The following GUCY1A2 variants were observed in gnomAD, a reference collection of about 807,000 sequenced individuals.
The protein encoded by GUCY1A2 is guanylate cyclase soluble subunit alpha-2.
GUCY1A2 carries 27 observed loss-of-function variants against 63.5 expected under a neutral mutation model. The observed-to-expected ratio is 0.43, with a 90% CI of 0.31 to 0.59. GUCY1A2 has a LOEUF of 0.59. GUCY1A2 is among the 20% of genes least tolerant of loss of function. GUCY1A2 has a pLI of 0.11. For missense variants in GUCY1A2, 768 were observed against 913.3 expected, an observed-to-expected ratio of 0.84 and a Z score of 2.05; for synonymous variants, 364 against 343.5, an observed-to-expected ratio of 1.06 and a Z score of -0.66.
At chr11:106,940,254 C>T (rs1860735589) in intron 3 of GUCY1A2, 76 bp from the exon 4 acceptor site, 3 of 712,292 alleles carry the variant, frequency 4.2e-6, no homozygotes, top group Admixed American at 2.4e-5. Context: ...AAGTGCTTAT[C>T]AAAAGAGTAA....
intron 4 of GUCY1A2, among the ~76,000 whole-genome samples, chr11:106,829,665 G>A (rs1033617375): frequency 6.6e-6 from 1 of 152,176 alleles, no homozygotes; most frequent in African/African-American, 2.4e-5. Flanking sequence ...TAGAAGGTAA[G>A]TTAGGGAGGC....
At chr11:106,860,223 G>C (rs983985092) in intron 4 of GUCY1A2, among the ~76,000 whole-genome samples, 14 of 151,074 alleles carry the variant, frequency 9.3e-5, no homozygotes, top group Non-Finnish European at 1.9e-4. Context: ...CTGTTTTCCA[G>C]AGTACCCAGA....
At chr11:106,827,929 G>C (rs1858995900) in intron 4 of GUCY1A2, 2 of 1,236,928 alleles carry the variant, frequency 1.6e-6, no homozygotes, top group Non-Finnish European at 1.2e-6. Flanking sequence ...TATCGCGGCG[G>C]AACAGCGAGA....
At chr11:106,827,977 C>A in intron 4 of GUCY1A2, 1 of 804,580 alleles carries the variant, frequency 1.2e-6, no homozygotes. Context: ...GCGAGGCGGT[C>A]ACTTCCGGTG....
chr11:106,769,842 C>T (rs1864225273), intron 6 of GUCY1A2, among the ~76,000 whole-genome samples: 1 of 151,722 alleles, frequency 6.6e-6, no homozygotes. Flanking sequence ...TTTTCTGACC[C>T]CTTAGGTTTT....
chr11:107,000,497 A>AT (rs939478606), intron 1 of GUCY1A2, among the ~76,000 whole-genome samples: 4 of 152,192 alleles, frequency 2.6e-5, no homozygotes, highest in African/African-American at 9.7e-5. Context: ...AGTAAAAGAC[A>AT]TTTTCATTAG....
intron 6 of GUCY1A2, among the ~76,000 whole-genome samples, chr11:106,758,158 A>C (rs1404816556): frequency 6.6e-6 from 1 of 152,014 alleles, no homozygotes; most frequent in Non-Finnish European, 1.5e-5. Flanking sequence ...AATACCACCT[A>C]CTCAAGCCTC....
At chr11:107,009,237 C>G (rs995074128) in intron 1 of GUCY1A2, among the ~76,000 whole-genome samples, 3 of 152,076 alleles carry the variant, frequency 2.0e-5, no homozygotes, top group African/African-American at 7.2e-5. Flanking sequence ...CCCTATATAT[C>G]TGATATCTGA....
intron 3 of GUCY1A2, among the ~76,000 whole-genome samples, chr11:106,952,254 A>T (rs1231872207): frequency 6.6e-6 from 1 of 151,916 alleles, no homozygotes; most frequent in Non-Finnish European, 1.5e-5. Flanking sequence ...ATTTAAAATA[A>T]TTTTTTCTAA....
At chr11:106,704,853 ATATT>A (rs909291160) in intron 7 of GUCY1A2, among the ~76,000 whole-genome samples, 7 of 150,714 alleles carry the variant, frequency 4.6e-5, no homozygotes, top group African/African-American at 1.7e-4. Context: ...TTTAAAATAT[ATATT>A]ATATGCAGTA....
intron 4 of GUCY1A2, among the ~76,000 whole-genome samples, chr11:106,890,740 G>A (rs568886211): frequency 1.9e-4 from 29 of 152,202 alleles, no homozygotes; most frequent in Non-Finnish European, 1.3e-4. Flanking sequence ...CATAAACACT[G>A]CAGAAAATAT....
At chr11:106,760,487 T>C (rs1283465371) in intron 6 of GUCY1A2, among the ~76,000 whole-genome samples, 1 of 152,186 alleles carries the variant, frequency 6.6e-6, no homozygotes, top group Non-Finnish European at 1.5e-5. Context: ...TTTATAACAG[T>C]CATAGTTTTT....
At chr11:106,940,403 TTTTG>T (rs1297803376) in intron 3 of GUCY1A2, among the ~76,000 whole-genome samples, 6 of 152,286 alleles carry the variant, frequency 3.9e-5, no homozygotes, top group Non-Finnish European at 5.9e-5. Flanking sequence ...ACATGAACCT[TTTTG>T]TTTGTTTTTA....
At chr11:106,995,692 T>C (rs911697105) in intron 1 of GUCY1A2, among the ~76,000 whole-genome samples, 17 of 152,238 alleles carry the variant, frequency 1.1e-4, no homozygotes, top group African/African-American at 4.1e-4. Context: ...TGTATAAATC[T>C]CTTGATTATG....
chr11:106,824,024 A>C, intron 4 of GUCY1A2: 1 of 1,342,080 alleles, frequency 7.5e-7, no homozygotes, highest in East Asian at 2.5e-5. Flanking sequence ...ATTCCTTCAA[A>C]AGCTTTCTTA....
chr11:106,975,658 G>C (rs559527696), intron 3 of GUCY1A2, among the ~76,000 whole-genome samples: 1 of 152,270 alleles, frequency 6.6e-6, no homozygotes, highest in Non-Finnish European at 1.5e-5. Flanking sequence ...ATTTGTAAAT[G>C]ATGAGACAGA....
chr11:106,988,666 A>G (rs1861433230), intron 1 of GUCY1A2, among the ~76,000 whole-genome samples: 1 of 152,234 alleles, frequency 6.6e-6, no homozygotes, highest in African/African-American at 2.4e-5. Context: ...TCAGGTTGAT[A>G]AAGCATTTAT....
chr11:106,901,712 C>T (rs1565325885), intron 4 of GUCY1A2, among the ~76,000 whole-genome samples: 2 of 148,636 alleles, frequency 1.3e-5, no homozygotes, highest in African/African-American at 2.5e-5. Flanking sequence ...GTTCAATTCC[C>T]ACGTATGAGT....
At chr11:106,803,397 T>G (rs981030014) in intron 5 of GUCY1A2, among the ~76,000 whole-genome samples, 1 of 152,158 alleles carries the variant, frequency 6.6e-6, no homozygotes, top group Non-Finnish European at 1.5e-5. Flanking sequence ...CTATCCTTCC[T>G]TCACAGTCTT....
Sources: allele counts gnomAD v4.1 joint callset (sites outside exome capture counted in the v4.1 genomes callset), GRCh38; gene constraint gnomAD v4.1.1; transcripts MANE v1.5; gene names NCBI Gene and HGNC (gene_info 2026-07-23, HGNC 2026-07-21).